Variants in ZNF704 observed in about 807,000 individuals in gnomAD.
ZNF704 encodes zinc finger protein 704, also known as glucocorticoid induced gene 1.
Under a neutral mutation model 44.7 loss-of-function variants are expected in ZNF704, and 10 were observed. The observed-to-expected ratio is 0.22, with a 90% CI of 0.14 to 0.38. The LOEUF (loss-of-function observed/expected upper bound fraction) is 0.38, where lower values mean the gene tolerates loss of function less well. ZNF704 is among the 10% of genes least tolerant of loss of function. The pLI is 1.00. For missense variants in ZNF704, 390 were observed against 545.5 expected (o/e 0.71, Z 2.84); for synonymous variants, 211 against 207.6 (o/e 1.02, Z -0.14).
chr8:80,777,210 C>G (rs370368999), intron 2 of ZNF704, among the ~76,000 whole-genome samples: 2 of 152,070 alleles, frequency 1.3e-5, no homozygotes, highest in African/African-American at 4.8e-5. Flanking sequence ...GCTAGTTATG[C>G]CAGGTCCTTT....
chr8:80,740,084 C>T (rs1806731838), intron 2 of ZNF704, among the ~76,000 whole-genome samples: 1 of 152,206 alleles, frequency 6.6e-6, no homozygotes. Context: ...AACTGTCCTC[C>T]AGATCTGTCA....
At chr8:80,736,788 C>T (rs550159426) in intron 2 of ZNF704, among the ~76,000 whole-genome samples, 25 of 152,156 alleles carry the variant, frequency 1.6e-4, no homozygotes, top group African/African-American at 5.1e-4. Flanking sequence ...TCAGGAATCA[C>T]CACTAAAGAA....
At chr8:80,692,428 C>T (rs73693820) in intron 3 of ZNF704, among the ~76,000 whole-genome samples, 11,035 of 152,156 alleles carry the variant, frequency 0.073, 441 homozygotes, top group Middle Eastern at 0.095. Context: ...ATGCTAGCCA[C>T]TAATATGGCT....
Position 80,664,966 on chromosome 8 carries a change from G to A in ZNF704, c.776C>T (p.Ser259Phe), listed in dbSNP as rs147777181. 5 of 1,614,100 alleles carry A rather than the reference G, an allele frequency of 3.1e-6. No individual in the cohort carries two copies. In the African/African-American group the frequency reaches 6.7e-5, roughly 22 times the overall value. ...AGTAGGAGGTGAAGCCAGGGACTGG[G>A]AAGGTGAGACCGGGGCCAGGCTGCT... Reference protein sequence around the residue: ...GLSSLAPVSPSQSLASPPTFP... With the variant: ...GLSSLAPVSPFQSLASPPTFP... Residue 259 changes from serine (S) to phenylalanine (F), a missense_variant, in exon 6 of 9, where the codon TCC (serine) becomes TTC (phenylalanine). Physicochemically the swap from Ser to Phe is radical, Grantham distance 155. Around this residue, in one of 3 missense-constraint regions of ZNF704, gnomAD observed 305 missense variants for 435.7 expected, o/e 0.70. Coordinates refer to ENST00000327835, the MANE Select transcript of ZNF704 (RefSeq NM_001033723.3).
chr8:80,642,458 T>C (rs1174639708), intron 8 of ZNF704, among the ~76,000 whole-genome samples: 1 of 152,152 alleles, frequency 6.6e-6, no homozygotes, highest in African/African-American at 2.4e-5. Flanking sequence ...GTAGACAGTG[T>C]AGATACACTG....
chr8:80,829,090 A>G (rs1412427418), intron 1 of ZNF704, among the ~76,000 whole-genome samples: 1 of 152,252 alleles, frequency 6.6e-6, no homozygotes, highest in Non-Finnish European at 1.5e-5. Flanking sequence ...GTATTAATGA[A>G]ATCAAATAAA....
chr8:80,776,258 A>AT (rs1227485065), intron 2 of ZNF704, among the ~76,000 whole-genome samples: 1 of 152,198 alleles, frequency 6.6e-6, no homozygotes, highest in Non-Finnish European at 1.5e-5. Context: ...CAATGGTATA[A>AT]TTTTTATGAC....
At chr8:80,650,570 T>C (rs1051118684) in intron 7 of ZNF704, among the ~76,000 whole-genome samples, 1 of 152,060 alleles carries the variant, frequency 6.6e-6, no homozygotes, top group Admixed American at 6.5e-5. Flanking sequence ...GTATCAGTGA[T>C]GGAAGATCAA....
chr8:80,826,720 T>G (rs559509115), intron 1 of ZNF704, among the ~76,000 whole-genome samples: 1 of 152,146 alleles, frequency 6.6e-6, no homozygotes, highest in Non-Finnish European at 1.5e-5. Context: ...ACAAAGCTTA[T>G]CCACCACAAG....
intron 3 of ZNF704, among the ~76,000 whole-genome samples, chr8:80,692,738 C>T (rs952450934): frequency 2.6e-5 from 4 of 152,134 alleles, no homozygotes; most frequent in African/African-American, 9.7e-5. Flanking sequence ...ACTGCAAAGA[C>T]GTCCTGGCAA....
At position 80,709,442 on chromosome 8, in the gene ZNF704, C is replaced by CAAAAAA. The variant is rs780264820; in HGVS notation, c.222-16341_222-16336dup. On this transcript the variant is annotated intron_variant, in intron 2 of 8. Transcript: ENST00000327835. ...TTGGCAACAGTGCGAGACTCCATCT[C>CAAAAAA]AAAAAAAAAAAAAAAAAAAAAAAAA... Among the ~76,000 whole-genome samples the CAAAAAA allele has an allele frequency of 3.8e-4, 6 of 15,884 alleles. 1 individual carries two copies. Among genetic ancestry groups the CAAAAAA allele is most frequent in the Non-Finnish European group, 6.6e-4 (5 of 7,568 alleles). The allele number at this position is 15,884 out of a possible 152,430, so 10.4% of individuals were successfully genotyped here.
intron 2 of ZNF704, among the ~76,000 whole-genome samples, chr8:80,774,731 G>T (rs1054024318): frequency 3.3e-5 from 5 of 152,180 alleles, no homozygotes; most frequent in African/African-American, 7.2e-5. Context: ...GTGAGGGTGG[G>T]TCCACATTTC....
chr8:80,823,973 A>C (rs1808324893), intron 1 of ZNF704, among the ~76,000 whole-genome samples: 1 of 152,224 alleles, frequency 6.6e-6, no homozygotes, highest in Non-Finnish European at 1.5e-5. Context: ...GGTGGGGAGA[A>C]ACCAGAGCAG....
At chr8:80,847,204 A>G (rs576953244) in intron 1 of ZNF704, among the ~76,000 whole-genome samples, 8 of 152,166 alleles carry the variant, frequency 5.3e-5, no homozygotes, top group African/African-American at 1.9e-4. Context: ...ATAAAATAAA[A>G]TAAAACATAG....
At chr8:80,682,102 A>C (rs1818462980) in intron 4 of ZNF704, among the ~76,000 whole-genome samples, 1 of 152,196 alleles carries the variant, frequency 6.6e-6, no homozygotes, top group African/African-American at 2.4e-5. Context: ...TTTTTGCAAG[A>C]GGCACTCTCT....
At chr8:80,656,734 A>G (rs1818022208) in intron 7 of ZNF704, among the ~76,000 whole-genome samples, 1 of 152,190 alleles carries the variant, frequency 6.6e-6, no homozygotes, top group South Asian at 2.1e-4. Context: ...CTCACTTTCT[A>G]GGAAGTGTAC....
Position 80,641,311 on chromosome 8 carries a change from G to C in ZNF704, c.*55C>G. On this transcript the variant is annotated 3_prime_UTR_variant, in exon 9 of 9. Transcript: ENST00000327835. Reference sequence around the variant, plus strand: ...AAAAGCTCTTTCCAACACCTGCAGTGGCAGGCCAGGGCAGGAGCGGCTCAG... The same window carrying C: ...AAAAGCTCTTTCCAACACCTGCAGTCGCAGGCCAGGGCAGGAGCGGCTCAG... The C allele has an allele frequency of 8.5e-7, 1 of 1,177,210 alleles. No individual in the cohort carries two copies. Among genetic ancestry groups the C allele is most frequent in the Non-Finnish European group, 1.2e-6 (1 of 853,426 alleles). The allele number at this position is 1,177,210 out of a possible 1,614,324, so 72.9% of individuals were successfully genotyped here.
Position 80,685,951 on chromosome 8 carries a change from T to C in ZNF704, c.558+1275A>G, listed in dbSNP as rs191779789. Among the ~76,000 whole-genome samples the C allele has an allele frequency of 2.6e-5, 4 of 152,358 alleles. No individual in the cohort carries two copies. The East Asian group carries it at 7.7e-4, about 29-fold the overall frequency. On this transcript the variant is annotated intron_variant, in intron 4 of 8. Coordinates refer to ENST00000327835, the MANE Select transcript of ZNF704 (RefSeq NM_001033723.3). Reference sequence around the variant, plus strand: ...TTTGTTTGTGAACAGCCATTCATAATGAAGCTACCAATACAACATTTAAAA... The same window carrying C: ...TTTGTTTGTGAACAGCCATTCATAACGAAGCTACCAATACAACATTTAAAA...
At chr8:80,647,165 A>G (rs924879406) in intron 7 of ZNF704, among the ~76,000 whole-genome samples, 2 of 152,284 alleles carry the variant, frequency 1.3e-5, no homozygotes, top group Non-Finnish European at 2.9e-5. Context: ...GAAGACAGAC[A>G]ATAAATACGA....
Sources: gnomAD v4.1 joint callset for allele counts (sites outside exome capture counted in the v4.1 genomes callset) on GRCh38, gnomAD v4.1.1 for gene constraint, gnomAD v4.1.1 regional missense constraint, MANE v1.5 for transcripts, NCBI Gene and HGNC (gene_info 2026-07-23, HGNC 2026-07-21) for gene names.